The following RRBP1 variants were observed in gnomAD, a reference collection of about 807,000 sequenced individuals.
RRBP1 encodes ribosome-binding protein 1.
In RRBP1, 94 loss-of-function variants were observed where a neutral mutation model predicts 165.2. That is an observed-to-expected ratio of 0.57 (90% confidence interval 0.48 to 0.68). RRBP1 has a LOEUF of 0.68. RRBP1 is among the 30% of genes least tolerant of loss of function. The pLI, the probability that RRBP1 is intolerant of heterozygous loss-of-function variation, is 0.00. For synonymous variants in RRBP1, 680 were observed against 714.5 expected, an observed-to-expected ratio of 0.95 and a Z score of 0.77; for missense variants, 1,676 against 1,763.0, an observed-to-expected ratio of 0.95 and a Z score of 0.88.
At chr20:17,641,757 G>C in intron 5 of RRBP1, 40 bp downstream of exon 5, 1 of 1,607,168 alleles carries the variant, frequency 6.2e-7, no homozygotes, top group Non-Finnish European at 8.5e-7. Context: ...CTCTGAGGAC[G>C]GGAGAGGACA....
intron 8 of RRBP1, 110 bp from the exon 9 acceptor site, chr20:17,630,071 T>A (rs1450345844): frequency 1.6e-6 from 2 of 1,241,954 alleles, no homozygotes; most frequent in Non-Finnish European, 2.2e-6. Flanking sequence ...CCCCGTGCAG[T>A]CTCTGGTCCA....
Position 17,658,968 on chromosome 20 carries a change from C to A in RRBP1, c.1540G>T (p.Gly514Ter). The change falls in exon 3 of 25, where the codon GGA (glycine) becomes TGA (stop). Residue 514 changes from glycine (G) to a stop codon, truncating the protein, a stop_gained. Coordinates refer to ENST00000377813, the MANE Select transcript of RRBP1 (RefSeq NM_001365613.2). LOFTEE classifies it high-confidence loss of function. ...GTCTTTTTACCCTGATTCTGGGCTC[C>A]CTCTCCTTTTTGGCCCTGGTTCTGG... ...GAQNQGQKGE[G>*]AQNQGKKTEG... The A allele has an allele frequency of 6.2e-7, 1 of 1,612,586 alleles. No individual in the cohort carries two copies. The highest frequency in any genetic ancestry group is 8.5e-7 in the Non-Finnish European group (1 of 1,179,736).
At chr20:17,614,711 G>A (rs376297934) in intron 24 of RRBP1, 26 bp downstream of exon 24, 27 of 1,607,780 alleles carry the variant, frequency 1.7e-5, no homozygotes, top group East Asian at 6.7e-5. Flanking sequence ...GACTCCTCCC[G>A]CCCTGCTTTG....
At chr20:17,669,247 T>TA (rs879897584) in intron 2 of RRBP1, among the ~76,000 whole-genome samples, 4 of 152,298 alleles carry the variant, frequency 2.6e-5, no homozygotes, top group Middle Eastern at 3.4e-3. Flanking sequence ...GGGTAAAAAA[T>TA]AAAGAATTGA....
intron 11 of RRBP1, among the ~76,000 whole-genome samples, chr20:17,626,160 G>A (rs2036014913): frequency 6.6e-6 from 1 of 152,148 alleles, no homozygotes; most frequent in South Asian, 2.1e-4. Flanking sequence ...GTTTGAGAAG[G>A]AAATAAAAGC....
intron 3 of RRBP1, among the ~76,000 whole-genome samples, chr20:17,656,695 T>C (rs543410321): frequency 6.6e-6 from 1 of 152,336 alleles, no homozygotes; most frequent in South Asian, 2.1e-4. Flanking sequence ...ATCTGTTCAA[T>C]TATTCTTACC....
intron 5 of RRBP1, among the ~76,000 whole-genome samples, chr20:17,637,650 A>C (rs1224737055): frequency 6.6e-6 from 1 of 152,158 alleles, no homozygotes; most frequent in Non-Finnish European, 1.5e-5. Flanking sequence ...CCTGTCCCAA[A>C]GGCCAGAGTG....
intron 8 of RRBP1, among the ~76,000 whole-genome samples, chr20:17,630,227 G>T (rs996346042): frequency 2.6e-5 from 4 of 152,204 alleles, no homozygotes; most frequent in African/African-American, 9.7e-5. Context: ...ACATTCTCAA[G>T]TGATTCATGA....
intron 10 of RRBP1, 32 bp downstream of exon 10, chr20:17,627,472 T>G: frequency 1.2e-6 from 2 of 1,605,874 alleles, no homozygotes; most frequent in Non-Finnish European, 1.7e-6. Context: ...GGAGTTCCCT[T>G]TCCTCCCCGT....
chr20:17,633,616 G>A lies in RRBP1; in HGVS notation c.2457-3C>T, dbSNP rs1445255229. 6.2e-7 allele frequency: 1 copy of A among 1,613,522 alleles called. No homozygotes were observed. Among genetic ancestry groups the A allele is most frequent in the Middle Eastern group, 1.7e-4 (1 of 6,054 alleles). ...GCTTGGCCAGCTCTGCGTTCTGCCT[G>A]CAAGACAGTCACCAGCCCGACTAAT... is the stretch of plus-strand genomic sequence containing the variant. On this transcript the variant is annotated splice_region_variant and splice_polypyrimidine_tract_variant and intron_variant, in intron 7 of 24. Coordinates refer to ENST00000377813, the MANE Select transcript of RRBP1 (RefSeq NM_001365613.2).
At chr20:17,632,779 T>G (rs188129679) in intron 8 of RRBP1, among the ~76,000 whole-genome samples, 21 of 152,272 alleles carry the variant, frequency 1.4e-4, no homozygotes, top group Admixed American at 1.2e-3. Flanking sequence ...AGCAGACGGA[T>G]GGGAATTCAT....
chr20:17,613,870 A>C lies in RRBP1; in HGVS notation c.*312T>G, dbSNP rs1414957877. 3 of 325,330 alleles carry C rather than the reference A, an allele frequency of 9.2e-6. No individual in the cohort carries two copies. The highest frequency in any genetic ancestry group is 1.2e-5 in the Non-Finnish European group (2 of 172,658). 20.2% of individuals were successfully genotyped at this position (325,330 alleles called of 1,614,324 possible). On this transcript the variant is annotated 3_prime_UTR_variant, in exon 25 of 25. Coordinates refer to ENST00000377813, the MANE Select transcript of RRBP1 (RefSeq NM_001365613.2). Reference sequence around the variant, plus strand: ...ACACTAAACGATTGCACTGACAGACAGACCCCAGAGCGCCCGGCCTCCCAC... The same window carrying C: ...ACACTAAACGATTGCACTGACAGACCGACCCCAGAGCGCCCGGCCTCCCAC...
At chr20:17,677,291 G>A (rs973775362) in intron 2 of RRBP1, among the ~76,000 whole-genome samples, 10 of 152,074 alleles carry the variant, frequency 6.6e-5, no homozygotes, top group African/African-American at 2.4e-4. Flanking sequence ...AATTCAAGAT[G>A]GTCTTTTATT....
At chr20:17,654,244 C>T (rs1157223464) in intron 3 of RRBP1, among the ~76,000 whole-genome samples, 1 of 152,198 alleles carries the variant, frequency 6.6e-6, no homozygotes, top group African/African-American at 2.4e-5. Context: ...CCCCTACATC[C>T]TGAGTGTGAC....
Position 17,624,045 on chromosome 20 carries a change from A to G in RRBP1, c.3147+531T>C, listed in dbSNP as rs77940645. Among the ~76,000 whole-genome samples, 1,423 of 152,290 alleles carry G rather than the reference A, an allele frequency of 9.3e-3. 19 individuals are homozygous for G. The highest frequency in any genetic ancestry group is 0.045 in the East Asian group (233 of 5,174). ...CAGAAATAACACCAAAAAAGCTCATAAAGAGTGCAGCCTCGGGCTCACTGC... is the reference window on the plus strand; with the variant it reads ...CAGAAATAACACCAAAAAAGCTCATGAAGAGTGCAGCCTCGGGCTCACTGC... On this transcript the variant is annotated intron_variant, in intron 13 of 24. Coordinates refer to ENST00000377813, the MANE Select transcript of RRBP1 (RefSeq NM_001365613.2).
chr20:17,664,771 G>A (rs550946955), intron 2 of RRBP1, among the ~76,000 whole-genome samples: 7 of 152,238 alleles, frequency 4.6e-5, no homozygotes, highest in African/African-American at 1.7e-4. Flanking sequence ...GCAGCTCCAC[G>A]GGGGACCGTG....
chr20:17,614,038 A>T lies in RRBP1; in HGVS notation c.*144T>A. ...CTGGAAGGTCTACTTCTGTGGCTCT[A>T]AGAGACTTGTCTCTCATGGCTTCTC... On this transcript the variant is annotated 3_prime_UTR_variant, in exon 25 of 25. Transcript: ENST00000377813. 1.3e-6 allele frequency: 1 copy of T among 789,214 alleles called. No individual in the cohort carries two copies. Among genetic ancestry groups the T allele is most frequent in the Non-Finnish European group, 2.2e-6 (1 of 454,906 alleles). The allele number at this position is 789,214 out of a possible 1,614,324, so 48.9% of individuals were successfully genotyped here.
In RRBP1 at chr20:17,643,216, G is replaced by A. The variant is rs1333060558; in HGVS notation, c.1913-89C>T. On this transcript the variant is annotated intron_variant, in intron 3 of 24. Coordinates refer to ENST00000377813, the MANE Select transcript of RRBP1 (RefSeq NM_001365613.2). The surrounding 1 kb of genome is among the most constrained non-coding windows in gnomAD (Gnocchi z 4.3). ...TGCCCATCACACCAAGAAGGTTCTG[G>A]TCACAGCCACGAAGAGCTCTCTGAC... The A allele has an allele frequency of 1.4e-6, 2 of 1,413,642 alleles. No homozygotes were observed. Among genetic ancestry groups the A allele is most frequent in the East Asian group, 2.4e-5 (1 of 41,706 alleles). The allele number at this position is 1,413,642 out of a possible 1,614,324, so 87.6% of individuals were successfully genotyped here.
intron 2 of RRBP1, among the ~76,000 whole-genome samples, chr20:17,662,170 G>A (rs1274315742): frequency 6.6e-6 from 1 of 152,070 alleles, no homozygotes; most frequent in Non-Finnish European, 1.5e-5. Flanking sequence ...GGCTGAGGCA[G>A]GAGAATGGGA....
Sources: gnomAD v4.1 joint callset for allele counts (sites outside exome capture counted in the v4.1 genomes callset) on GRCh38, gnomAD v4.1.1 for gene constraint, Gnocchi (gnomAD v3.1) non-coding constraint, MANE v1.5 for transcripts, NCBI Gene and HGNC (gene_info 2026-07-23, HGNC 2026-07-21) for gene names.